LRRC30: variants seen among roughly 807,000 people sequenced by gnomAD.
The protein encoded by LRRC30 is leucine-rich repeat-containing protein 30.
In LRRC30, 10 loss-of-function variants were observed where a neutral mutation model predicts 14.8. The ratio of observed to expected loss-of-function variants is 0.68; its 90% CI spans 0.42 to 1.15. The LOEUF (loss-of-function observed/expected upper bound fraction) is 1.15. Among genes scored for constraint, LRRC30 ranks in the 50% most tolerant of loss-of-function variants. The pLI, the probability that LRRC30 is intolerant of heterozygous loss-of-function variation, is 0.00. For missense variants in LRRC30, 403 were observed against 373.9 expected, an observed-to-expected ratio of 1.08 and a Z score of -0.64; for synonymous variants, 202 against 175.7, an observed-to-expected ratio of 1.15 and a Z score of -1.18.
At position 7,231,097 on chromosome 18, in the gene LRRC30, C is replaced by T. The variant is rs778562242; in HGVS notation, c.-42C>T. On this transcript the variant is annotated 5_prime_UTR_variant, in exon 1 of 1. Coordinates refer to ENST00000383467, the MANE Select transcript of LRRC30 (RefSeq NM_001105581.3). The stretch of plus-strand genomic sequence containing the variant: ...AGCAGCTGAGAGGACACGGTCCCTG[C>T]CTGGGAGGTGGCAGAGGAGAGTGAC... 1 of 1,536,570 alleles carries T rather than the reference C, an allele frequency of 6.5e-7. No individual in the cohort carries two copies. The highest frequency in any genetic ancestry group is 2.0e-5 in the Admixed American group (1 of 50,734).
In LRRC30 at chr18:7,231,892, C is replaced by T; in HGVS notation, c.754C>T (p.His252Tyr). 1 of 1,614,084 alleles carries T rather than the reference C, an allele frequency of 6.2e-7. No individual in the cohort carries two copies. Among genetic ancestry groups the T allele is most frequent in the South Asian group, 1.1e-5 (1 of 91,066 alleles). ...NDIQTLPSEL[H>Y]LLCRLVRIAW... is the part of the protein sequence containing the mutation. ...CATCCAGACCCTCCCGAGCGAACTC[C>T]ACCTGCTGTGTAGACTGGTGAGGAT... Residue 252 changes from histidine to tyrosine, a missense_variant, in exon 1 of 1, where the codon CAC becomes TAC. Physicochemically the swap from His to Tyr is moderately conservative, Grantham distance 83. Coordinates refer to ENST00000383467, the MANE Select transcript of LRRC30 (RefSeq NM_001105581.3).
At position 7,231,172 on chromosome 18, in the gene LRRC30, G is replaced by T. The variant is rs867952372; in HGVS notation, c.34G>T (p.Asp12Tyr). Residue 12 changes from aspartate to tyrosine, a missense_variant, in exon 1 of 1, where the codon GAT becomes TAT. Physicochemically the swap from Asp to Tyr is radical, Grantham distance 160. Transcript: ENST00000383467. ...CAGGCAGTCAAGGGCCAGCTCCAAG[G>T]ATAAGGGCCCCAAGAGGATGCTGTT... ...GARQSRASSK[D>Y]KGPKRMLFTG... 2 of 1,604,812 alleles carry T rather than the reference G, an allele frequency of 1.2e-6. 1 individual carries two copies. The highest frequency in any genetic ancestry group is 3.4e-5 in the Admixed American group (2 of 59,660).
Position 7,231,727 on chromosome 18 carries a change from C to A in LRRC30, c.589C>A (p.Arg197Ser). The change falls in exon 1 of 1, where the codon CGC (arginine) becomes AGC (serine). Residue 197 changes from arginine to serine, a missense_variant. Arg to Ser is a moderately radical substitution (Grantham distance 110, BLOSUM62 -1). Transcript: ENST00000383467. ...ELIFLHVGSN[R>S]LENIAESIQH... ...GATTTTCTTGCACGTGGGCTCGAAT[C>A]GCCTGGAAAACATCGCTGAGAGCAT... 6.2e-7 allele frequency: 1 copy of A among 1,614,150 alleles called. No homozygotes were observed. The highest frequency in any genetic ancestry group is 8.5e-7 in the Non-Finnish European group (1 of 1,180,038).
At position 7,231,932 on chromosome 18, in the gene LRRC30, T is replaced by C. The variant is rs778564185; in HGVS notation, c.794T>C (p.Met265Thr). 5.6e-6 allele frequency: 9 copies of C among 1,612,406 alleles called. No individual in the cohort carries two copies. The highest frequency in any genetic ancestry group is 1.3e-5 in the African/African-American group (1 of 74,342). Residue 265 changes from methionine to threonine, a missense_variant, in exon 1 of 1, where the codon ATG (methionine) becomes ACG (threonine). Physicochemically the swap from Met to Thr is moderately conservative, Grantham distance 81. Coordinates refer to ENST00000383467, the MANE Select transcript of LRRC30 (RefSeq NM_001105581.3). ...CRLVRIAWNP[M>T]DKGLHISHNP... ...CTGGTGAGGATCGCCTGGAATCCCA[T>C]GGACAAAGGGCTCCACATTTCCCAC...
rs2058618357 is a variant in LRRC30, at chr18:7,231,216, G to T, written c.78G>T (p.Lys26Asn). The change falls in exon 1 of 1, where the codon AAG becomes AAT. Residue 26 changes from lysine (K) to asparagine (N), a missense_variant. By Grantham distance (94) the Lys-to-Asn change is moderately conservative (BLOSUM62 0). Transcript: ENST00000383467. ...KRMLFTGRRQ[K>N]FSPWDDALLS... ...TGCTGTTCACGGGGAGGAGACAGAA[G>T]TTTTCTCCGTGGGACGATGCCCTGC... 29 of 1,613,312 alleles carry T rather than the reference G, an allele frequency of 1.8e-5. No homozygotes were observed. The highest frequency in any genetic ancestry group is 2.3e-5 in the Non-Finnish European group (27 of 1,179,266).
At position 7,231,108 on chromosome 18, in the gene LRRC30, G is replaced by A. The variant is rs773161402; in HGVS notation, c.-31G>A. ...GGACACGGTCCCTGCCTGGGAGGTG[G>A]CAGAGGAGAGTGACTAGAAGGGAAG... On this transcript the variant is annotated 5_prime_UTR_variant, in exon 1 of 1. Transcript: ENST00000383467. The A allele has an allele frequency of 7.1e-6, 11 of 1,545,106 alleles. No individual in the cohort carries two copies. The highest frequency in any genetic ancestry group is 1.4e-5 in the African/African-American group (1 of 73,154).
chr18:7,231,384 G>C lies in LRRC30; in HGVS notation c.246G>C (p.Gln82His), dbSNP rs1224066133. The C allele has an allele frequency of 1.2e-6, 2 of 1,614,222 alleles. No individual in the cohort carries two copies. Among genetic ancestry groups the C allele is most frequent in the Non-Finnish European group, 1.7e-6 (2 of 1,180,042 alleles). Residue 82 changes from glutamine to histidine, a missense_variant, in exon 1 of 1, where the codon CAG becomes CAC. Gln to His is a conservative substitution (Grantham distance 24). Transcript: ENST00000383467. ...EVQKLNLSHN[Q>H]LRVLPPEVGK... The stretch of plus-strand genomic sequence containing the variant: ...AGAAACTCAATCTGTCTCACAACCA[G>C]CTCCGGGTTCTCCCTCCCGAGGTGG...
In LRRC30 at chr18:7,231,961, C is replaced by G. The variant is rs777531884; in HGVS notation, c.823C>G (p.Pro275Ala). Residue 275 changes from proline to alanine, a missense_variant, in exon 1 of 1, where the codon CCT becomes GCT. Pro to Ala is a conservative substitution (Grantham distance 27). Coordinates refer to ENST00000383467, the MANE Select transcript of LRRC30 (RefSeq NM_001105581.3). The part of the protein sequence containing the change: ...MDKGLHISHN[P>A]LSKPLPELVE... The stretch of plus-strand genomic sequence containing the variant: ...CAAAGGGCTCCACATTTCCCACAAC[C>G]CTTTATCCAAGCCTCTGCCGGAGCT... 1.2e-5 allele frequency: 19 copies of G among 1,613,972 alleles called. No homozygotes were observed. Among genetic ancestry groups the G allele is most frequent in the Non-Finnish European group, 1.5e-5 (18 of 1,180,032 alleles).
Position 7,231,587 on chromosome 18 carries a change from A to C in LRRC30, c.449A>C (p.Asn150Thr), listed in dbSNP as rs201838622. Residue 150 changes from asparagine (N) to threonine (T), a missense_variant, in exon 1 of 1, where the codon AAC becomes ACC. Physicochemically the swap from Asn to Thr is moderately conservative, Grantham distance 65. Transcript: ENST00000383467. ...CTGGAGGTCCTGAGCTTGTCGCACAACTGCCTGTCCCAGCTCCCTGCATGC... is the reference window on the plus strand; with the variant it reads ...CTGGAGGTCCTGAGCTTGTCGCACACCTGCCTGTCCCAGCTCCCTGCATGC... ...RKLEVLSLSHNCLSQLPACFA... is the reference protein window; with the variant it reads ...RKLEVLSLSHTCLSQLPACFA... 6.2e-7 allele frequency: 1 copy of C among 1,613,988 alleles called. No homozygotes were observed. Among genetic ancestry groups the C allele is most frequent in the Non-Finnish European group, 8.5e-7 (1 of 1,180,034 alleles).
At position 7,231,882 on chromosome 18, in the gene LRRC30, G is replaced by C. The variant is rs371723330; in HGVS notation, c.744G>C (p.Pro248=). 1.2e-6 allele frequency: 2 copies of C among 1,613,986 alleles called. No individual in the cohort carries two copies. Among genetic ancestry groups the C allele is most frequent in the South Asian group, 2.2e-5 (2 of 91,066 alleles). ...NLNNNDIQTL[P]SELHLLCRLV... ...ACAACAATGACATCCAGACCCTCCC[G>C]AGCGAACTCCACCTGCTGTGTAGAC... The change falls in exon 1 of 1, where the codon CCG becomes CCC. Residue 248 remains proline (P), a synonymous_variant. Coordinates refer to ENST00000383467, the MANE Select transcript of LRRC30 (RefSeq NM_001105581.3).
rs753430622 is a variant in LRRC30, at chr18:7,231,865, G to T, written c.727G>T (p.Asp243Tyr). The change falls in exon 1 of 1, where the codon GAC becomes TAC. Residue 243 changes from aspartate (D) to tyrosine (Y), a missense_variant. Coordinates refer to ENST00000383467, the MANE Select transcript of LRRC30 (RefSeq NM_001105581.3). ...GGAGCTGCTGAACCTCAACAACAAT[G>T]ACATCCAGACCCTCCCGAGCGAACT... is the stretch of plus-strand genomic sequence containing the variant. ...SLELLNLNNN[D>Y]IQTLPSELHL... 3 of 1,613,930 alleles carry T rather than the reference G, an allele frequency of 1.9e-6. No individual in the cohort carries two copies. Among genetic ancestry groups the T allele is most frequent in the Non-Finnish European group, 2.5e-6 (3 of 1,180,040 alleles).
Position 7,231,369 on chromosome 18 carries a change from T to G in LRRC30, c.231T>G (p.Asn77Lys). 3 of 1,614,176 alleles carry G rather than the reference T, an allele frequency of 1.9e-6. No individual in the cohort carries two copies. Among genetic ancestry groups the G allele is most frequent in the Non-Finnish European group, 2.5e-6 (3 of 1,180,044 alleles). Reference protein sequence around the residue: ...LWGLSEVQKLNLSHNQLRVLP... With the variant: ...LWGLSEVQKLKLSHNQLRVLP... ...GCTTGTCCGAGGTCCAGAAACTCAA[T>G]CTGTCTCACAACCAGCTCCGGGTTC... The change falls in exon 1 of 1, where the codon AAT becomes AAG. Residue 77 changes from asparagine (N) to lysine (K), a missense_variant. By Grantham distance (94) the Asn-to-Lys change is moderately conservative. Transcript: ENST00000383467.
rs1465999345 is a variant in LRRC30 at position 7,231,477 on chromosome 18, G to A, written c.339G>A (p.Val113=). 1 of 1,613,952 alleles carries A rather than the reference G, an allele frequency of 6.2e-7. No individual in the cohort carries two copies. The highest frequency in any genetic ancestry group is 2.2e-5 in the East Asian group (1 of 44,856). Residue 113 remains valine, a synonymous_variant, in exon 1 of 1, where the codon GTG becomes GTA. Transcript: ENST00000383467. ...GCCTGAAGAGCCTGCCCAGAGAAGT[G>A]AGCCTCCTACAGTGCCTCAAGGTCC... ...GNRLKSLPRE[V]SLLQCLKVLF...
chr18:7,231,664 G>A lies in LRRC30; in HGVS notation c.526G>A (p.Ala176Thr). Reference sequence around the variant, plus strand: ...GCTAAACCTCAGCAACAACTTCTTCGCGCACATCCCCATGTGTGTGTTCTC... The same window carrying A: ...GCTAAACCTCAGCAACAACTTCTTCACGCACATCCCCATGTGTGTGTTCTC... ...RKLNLSNNFF[A>T]HIPMCVFSLK... Residue 176 changes from alanine (A) to threonine (T), a missense_variant, in exon 1 of 1, where the codon GCG (alanine) becomes ACG (threonine). Transcript: ENST00000383467. The A allele has an allele frequency of 3.1e-6, 5 of 1,614,072 alleles. No individual in the cohort carries two copies. In the South Asian group the frequency reaches 4.4e-5, roughly 14 times the overall value.
rs1334375881 is a variant in LRRC30, at chr18:7,231,497, A to C, written c.359A>C (p.Lys120Thr). Residue 120 changes from lysine to threonine, a missense_variant, in exon 1 of 1, where the codon AAG (lysine) becomes ACG (threonine). Physicochemically the swap from Lys to Thr is moderately conservative, Grantham distance 78. Coordinates refer to ENST00000383467, the MANE Select transcript of LRRC30 (RefSeq NM_001105581.3). ...PREVSLLQCL[K>T]VLFVNMNCLT... ...GAAGTGAGCCTCCTACAGTGCCTCA[A>C]GGTCCTGTTTGTCAACATGAACTGC... is the stretch of plus-strand genomic sequence containing the variant. The C allele has an allele frequency of 1.2e-6, 2 of 1,613,740 alleles. No homozygotes were observed. Among genetic ancestry groups the C allele is most frequent in the Non-Finnish European group, 1.7e-6 (2 of 1,180,026 alleles).
chr18:7,231,370 C>T lies in LRRC30; in HGVS notation c.232C>T (p.Leu78=), dbSNP rs2058619078. ...CTTGTCCGAGGTCCAGAAACTCAAT[C>T]TGTCTCACAACCAGCTCCGGGTTCT... ...WGLSEVQKLN[L]SHNQLRVLPP... is the part of the protein sequence containing the mutation. The change falls in exon 1 of 1, where the codon CTG becomes TTG. Residue 78 remains leucine (L), a synonymous_variant. Transcript: ENST00000383467. 1 of 1,614,114 alleles carries T rather than the reference C, an allele frequency of 6.2e-7. No homozygotes were observed. Among genetic ancestry groups the T allele is most frequent in the African/African-American group, 1.3e-5 (1 of 74,946 alleles).
At position 7,231,672 on chromosome 18, in the gene LRRC30, C is replaced by A; in HGVS notation, c.534C>A (p.Ile178=). Residue 178 remains isoleucine, a synonymous_variant, in exon 1 of 1, where the codon ATC becomes ATA. Transcript: ENST00000383467. The stretch of plus-strand genomic sequence containing the variant: ...TCAGCAACAACTTCTTCGCGCACAT[C>A]CCCATGTGTGTGTTCTCCCTGAAGG... ...LNLSNNFFAH[I]PMCVFSLKEL... is the part of the protein sequence containing the mutation. The A allele has an allele frequency of 1.2e-6, 2 of 1,614,178 alleles. No homozygotes were observed. Among genetic ancestry groups the A allele is most frequent in the Admixed American group, 1.7e-5 (1 of 60,024 alleles).
At position 7,231,966 on chromosome 18, in the gene LRRC30, A is replaced by G. The variant is rs746820755; in HGVS notation, c.828A>G (p.Leu276=). The G allele has an allele frequency of 6.8e-6, 11 of 1,614,056 alleles. No individual in the cohort carries two copies. Among genetic ancestry groups the G allele is most frequent in the Non-Finnish European group, 7.6e-6 (9 of 1,180,018 alleles). Residue 276 remains leucine, a synonymous_variant, in exon 1 of 1, where the codon TTA becomes TTG. Transcript: ENST00000383467. ...DKGLHISHNP[L]SKPLPELVEG... ...GGCTCCACATTTCCCACAACCCTTT[A>G]TCCAAGCCTCTGCCGGAGCTGGTGG...
In LRRC30 at chr18:7,231,447, G is replaced by T; in HGVS notation, c.309G>T (p.Gly103=). Residue 103 remains glycine (G), a synonymous_variant, in exon 1 of 1, where the codon GGG becomes GGT. Transcript: ENST00000383467. ...GGATCGTGGTCCTGAACTTGTGCGGGAACCGCCTGAAGAGCCTGCCCAGAG... is the reference window on the plus strand; with the variant it reads ...GGATCGTGGTCCTGAACTTGTGCGGTAACCGCCTGAAGAGCCTGCCCAGAG... ...LTRIVVLNLC[G]NRLKSLPREV... 2 of 1,614,092 alleles carry T rather than the reference G, an allele frequency of 1.2e-6. No individual in the cohort carries two copies. The highest frequency in any genetic ancestry group is 1.7e-6 in the Non-Finnish European group (2 of 1,180,024).
Sources: gnomAD v4.1 joint callset for allele counts on GRCh38, gnomAD v4.1.1 for gene constraint, MANE v1.5 for transcripts, NCBI Gene and HGNC (gene_info 2026-07-23, HGNC 2026-07-21) for gene names.